The following UBAP2 variants were observed in gnomAD, a reference collection of about 807,000 sequenced individuals.
The protein encoded by UBAP2 is ubiquitin associated protein 2.
UBAP2 carries 75 observed loss-of-function variants against 139.6 expected under a neutral mutation model. The observed-to-expected ratio is 0.54, with a 90% confidence interval of 0.45 to 0.65. UBAP2 has a LOEUF of 0.65. Ranked by LOEUF, UBAP2 falls within the 30% of genes least tolerant of loss-of-function variation. The pLI is 0.00. For synonymous variants in UBAP2, 526 were observed against 526.2 expected, an observed-to-expected ratio of 1.00 and a Z score of 0.01; for missense variants, 1,368 against 1,369.6, an observed-to-expected ratio of 1.00 and a Z score of 0.02.
chr9:34,002,006 G>A (rs1262422723), intron 2 of UBAP2, among the ~76,000 whole-genome samples: 1 of 151,060 alleles, frequency 6.6e-6, no homozygotes, highest in Non-Finnish European at 1.5e-5. Context: ...CTCTGTGTTG[G>A]AATGCAGTGG....
At chr9:33,956,265 A>C (rs1826557107) in intron 10 of UBAP2, 119 bp from the exon 11 acceptor site, 1 of 624,382 alleles carries the variant, frequency 1.6e-6, no homozygotes, top group Non-Finnish European at 2.8e-6. Context: ...AGCTATTCTA[A>C]AGAAAATGAA....
Position 33,944,351 on chromosome 9 carries a change from G to C in UBAP2, c.1545+14C>G, listed in dbSNP as rs1225367912. On this transcript the variant is annotated intron_variant, in intron 14 of 28. Transcript: ENST00000379238. The stretch of plus-strand genomic sequence containing the variant: ...TCCAGCTTTAGGACGGTGACTTCAT[G>C]ATGAAATGCCCACCTTAGAAGCTGG... 2.5e-6 allele frequency: 4 copies of C among 1,608,132 alleles called. No individual in the cohort carries two copies. The highest frequency in any genetic ancestry group is 2.2e-5 in the South Asian group (2 of 90,988).
intron 8 of UBAP2, among the ~76,000 whole-genome samples, chr9:33,970,017 C>T (rs1438134460): frequency 7.7e-6 from 1 of 129,752 alleles, no homozygotes; most frequent in Non-Finnish European, 1.6e-5. Context: ...GCAACCTATG[C>T]TTCCTAGGTT....
chr9:33,922,343 C>T lies in UBAP2; in HGVS notation c.*161G>A. ...ACATTTACAAATACATACATAAATA[C>T]ATTACATACAGTAGCCAGTCTGGGA... On this transcript the variant is annotated 3_prime_UTR_variant, in exon 29 of 29. Transcript: ENST00000379238. 2 of 698,614 alleles carry T rather than the reference C, an allele frequency of 2.9e-6. No homozygotes were observed. The highest frequency in any genetic ancestry group is 2.7e-5 in the East Asian group (1 of 36,872). The allele number at this position is 698,614 out of a possible 1,614,324, so 43.3% of individuals were successfully genotyped here. A position where few individuals can be genotyped will look rare whatever the true frequency, so the allele number is the denominator to read the frequency against.
chr9:34,022,775 T>C (rs1335441883), intron 1 of UBAP2, among the ~76,000 whole-genome samples: 1 of 152,148 alleles, frequency 6.6e-6, no homozygotes, highest in Non-Finnish European at 1.5e-5. Flanking sequence ...AAGAAAAGAA[T>C]AAAACAGAAT....
At chr9:33,926,041 G>A (rs957100307) in intron 22 of UBAP2, among the ~76,000 whole-genome samples, 1 of 152,188 alleles carries the variant, frequency 6.6e-6, no homozygotes, top group African/African-American at 2.4e-5. Context: ...GAAGAAAGAG[G>A]CAACCCTGGT....
At chr9:34,036,301 G>C (rs988551765) in intron 1 of UBAP2, among the ~76,000 whole-genome samples, 14 of 151,908 alleles carry the variant, frequency 9.2e-5, no homozygotes, top group African/African-American at 3.1e-4. Context: ...TAATTTAATA[G>C]AGATGGGGTT....
intron 24 of UBAP2, 92 bp downstream of exon 24, chr9:33,923,703 A>G (rs1587497079): frequency 7.3e-7 from 1 of 1,372,416 alleles, no homozygotes; most frequent in South Asian, 1.2e-5. Flanking sequence ...TGGAATCACA[A>G]CCCTCCCTCC....
chr9:33,990,825 C>A (rs747032698), intron 4 of UBAP2, among the ~76,000 whole-genome samples: 1 of 151,746 alleles, frequency 6.6e-6, no homozygotes, highest in Non-Finnish European at 1.5e-5. Flanking sequence ...TTAGTAGAGA[C>A]GGGGTTTCAC....
intron 11 of UBAP2, among the ~76,000 whole-genome samples, chr9:33,953,948 C>T (rs1050891686): frequency 6.6e-6 from 1 of 151,852 alleles, no homozygotes; most frequent in African/African-American, 2.4e-5. Context: ...ACTCTCTTAC[C>T]AAGGCTGGAA....
At chr9:34,025,628 T>C (rs935489330) in intron 1 of UBAP2, among the ~76,000 whole-genome samples, 4 of 152,178 alleles carry the variant, frequency 2.6e-5, no homozygotes, top group African/African-American at 7.2e-5. Context: ...CTAAATGTAA[T>C]GAGGAAAGAA....
At chr9:33,979,553 C>CA (rs1266809879) in intron 6 of UBAP2, among the ~76,000 whole-genome samples, 1 of 148,988 alleles carries the variant, frequency 6.7e-6, no homozygotes, top group Non-Finnish European at 1.5e-5. Flanking sequence ...CCAGCCAGGG[C>CA]AACAAGAGAG....
At chr9:34,002,473 GTTCAAGCGA>G (rs1197826430) in intron 2 of UBAP2, among the ~76,000 whole-genome samples, 1 of 149,370 alleles carries the variant, frequency 6.7e-6, no homozygotes, top group Non-Finnish European at 1.5e-5. Context: ...CATCTCCCAG[GTTCAAGCGA>G]TTCTCTTGCC....
intron 1 of UBAP2, among the ~76,000 whole-genome samples, chr9:34,032,161 C>T (rs1248872291): frequency 6.6e-6 from 1 of 152,058 alleles, no homozygotes; most frequent in Non-Finnish European, 1.5e-5. Context: ...TAATAAGTTG[C>T]CAACTTAACA....
chr9:34,046,558 G>A (rs897908068), intron 1 of UBAP2, among the ~76,000 whole-genome samples: 1 of 150,234 alleles, frequency 6.7e-6, no homozygotes, highest in African/African-American at 2.5e-5. Context: ...CCAGGAGAAT[G>A]GCGTGAACCC....
In UBAP2 at chr9:33,952,517, A is replaced by AG. The variant is rs77221986; in HGVS notation, c.1056+767dup. Among the ~76,000 whole-genome samples the AG allele has an allele frequency of 1.2e-3, 176 of 152,248 alleles. 4 individuals are homozygous for AG. The East Asian group carries it at 0.032, about 28-fold the overall frequency. On this transcript the variant is annotated intron_variant, in intron 12 of 28. Transcript: ENST00000379238. Reference sequence around the variant, plus strand: ...AAAATGTAGCTTATTTTACGGTCTTAGGGGGAAAAAAAAGCAAAAAATGTA... The same window carrying AG: ...AAAATGTAGCTTATTTTACGGTCTTAGGGGGGAAAAAAAAGCAAAAAATGTA...
At chr9:33,928,250 ACT>A (rs1564016010) in intron 19 of UBAP2, 1 of 397,202 alleles carries the variant, frequency 2.5e-6, no homozygotes, top group East Asian at 3.9e-5. Flanking sequence ...AATGACCACA[ACT>A]CTCTGTAAAA....
chr9:34,033,491 G>A (rs1826059161), intron 1 of UBAP2, among the ~76,000 whole-genome samples: 1 of 152,066 alleles, frequency 6.6e-6, no homozygotes, highest in Non-Finnish European at 1.5e-5. Flanking sequence ...ACTTGGGGGA[G>A]GTAGGGATGG....
intron 9 of UBAP2, among the ~76,000 whole-genome samples, chr9:33,962,034 C>T (rs1027664072): frequency 6.6e-6 from 1 of 152,026 alleles, no homozygotes; most frequent in Admixed American, 6.5e-5. Context: ...GTCTGAGAAA[C>T]CACTAATACA....
Sources: gnomAD v4.1 joint callset for allele counts (sites outside exome capture counted in the v4.1 genomes callset) on GRCh38, gnomAD v4.1.1 for gene constraint, MANE v1.5 for transcripts, NCBI Gene and HGNC (gene_info 2026-07-23, HGNC 2026-07-21) for gene names.